ARFGEF1: variants seen among roughly 807,000 people sequenced by gnomAD.
ARFGEF1 encodes ARF guanine nucleotide exchange factor 1, also known as brefeldin A-inhibited guanine nucleotide-exchange protein 1.
In ARFGEF1, 42 loss-of-function variants were observed where a neutral mutation model predicts 231.0. The observed-to-expected ratio is 0.18, with a 90% confidence interval of 0.14 to 0.24. The LOEUF is 0.24. Ranked by LOEUF, ARFGEF1 falls within the 10% of genes least tolerant of loss-of-function variation. The pLI is 1.00. For synonymous variants in ARFGEF1, 710 were observed against 732.3 expected (o/e 0.97, Z 0.49); for missense variants, 1,345 against 2,192.0 (o/e 0.61, Z 7.72).
intron 1 of ARFGEF1, among the ~76,000 whole-genome samples, chr8:67,303,173 T>C (rs1460000039): frequency 1.3e-5 from 2 of 152,068 alleles, no homozygotes; most frequent in African/African-American, 4.8e-5. Context: ...CGGCAGATGT[T>C]TGGGGACAGG....
At chr8:67,235,625 T>C (rs1158197016) in intron 22 of ARFGEF1, among the ~76,000 whole-genome samples, 1 of 152,014 alleles carries the variant, frequency 6.6e-6, no homozygotes. Flanking sequence ...AGCCCGGAGT[T>C]TGAAACCAGC....
intron 22 of ARFGEF1, among the ~76,000 whole-genome samples, chr8:67,236,357 AAAAAAAAAATATATATATATATATATAT>A (rs1839744879): frequency 2.3e-5 from 1 of 44,272 alleles, no homozygotes; most frequent in Non-Finnish European, 4.1e-5. Context: ...GTTAAAAAAA[AAAAAAAAAATATATATATATATATATAT>A]ATATATATAT....
Position 67,215,031 on chromosome 8 carries a change from A to G in ARFGEF1, c.4686+1559T>C, listed in dbSNP as rs1207801756. ...TCCCTGCTAAGTTTCAACCTTGCTT[A>G]GGACTGGTGATCCTTTGTTCCTTCC... On this transcript the variant is annotated intron_variant, in intron 33 of 38. Coordinates refer to ENST00000262215, the MANE Select transcript of ARFGEF1 (RefSeq NM_006421.5). Among the ~76,000 whole-genome samples the G allele has an allele frequency of 4.1e-4, 63 of 152,216 alleles. 1 individual carries two copies. The highest frequency in any genetic ancestry group is 4.1e-3 in the Admixed American group (63 of 15,280).
intron 5 of ARFGEF1, among the ~76,000 whole-genome samples, chr8:67,190,416 T>C (rs959603115): frequency 7.2e-5 from 11 of 151,958 alleles, no homozygotes; most frequent in Non-Finnish European, 1.5e-4. Flanking sequence ...TGGGGAGTGA[T>C]TGCCAGTGTG....
chr8:67,339,627 T>C (rs1437748900), intron 1 of ARFGEF1, among the ~76,000 whole-genome samples: 1 of 151,548 alleles, frequency 6.6e-6, no homozygotes, highest in Non-Finnish European at 1.5e-5. Context: ...CAGACTATTT[T>C]TAAGTCAGGA....
intron 7 of ARFGEF1, among the ~76,000 whole-genome samples, chr8:67,283,166 CCAT>C (rs1289010306): frequency 6.6e-6 from 1 of 152,074 alleles, no homozygotes; most frequent in Non-Finnish European, 1.5e-5. Context: ...ACAATAAATA[CCAT>C]CATTACAGTG....
chr8:67,227,908 T>C (rs1009829955), intron 25 of ARFGEF1, 55 bp downstream of exon 25: 5 of 1,401,098 alleles, frequency 3.6e-6, no homozygotes, highest in Admixed American at 2.7e-5. Context: ...TACAAGGACA[T>C]TCTAAACAAA....
At chr8:67,289,209 T>G (rs1805892748) in intron 6 of ARFGEF1, among the ~76,000 whole-genome samples, 1 of 152,108 alleles carries the variant, frequency 6.6e-6, no homozygotes, top group Non-Finnish European at 1.5e-5. Flanking sequence ...AGACAGCATA[T>G]TAGCTGATGG....
intron 22 of ARFGEF1, among the ~76,000 whole-genome samples, chr8:67,237,083 T>A (rs529396058): frequency 6.6e-6 from 1 of 152,250 alleles, no homozygotes; most frequent in South Asian, 2.1e-4. Flanking sequence ...ATTCCCACAC[T>A]CTCTAGGCCT....
intron 27 of ARFGEF1, among the ~76,000 whole-genome samples, chr8:67,226,647 CATT>C (rs1178707014): frequency 6.6e-6 from 1 of 152,054 alleles, no homozygotes; most frequent in African/African-American, 2.4e-5. Context: ...TGATGGTCAT[CATT>C]GTCATCTTCC....
intron 19 of ARFGEF1, among the ~76,000 whole-genome samples, chr8:67,245,751 T>C (rs1840086115): frequency 6.7e-6 from 1 of 150,230 alleles, no homozygotes. Context: ...TCTTTATCAA[T>C]AGTCACACTG....
At chr8:67,213,312 A>G (rs889470620) in intron 33 of ARFGEF1, among the ~76,000 whole-genome samples, 3 of 152,208 alleles carry the variant, frequency 2.0e-5, no homozygotes, top group African/African-American at 7.2e-5. Context: ...ACAAATTTGA[A>G]AAGACCTGTA....
intron 14 of ARFGEF1, among the ~76,000 whole-genome samples, chr8:67,261,879 C>T (rs911549460): frequency 6.7e-6 from 1 of 148,838 alleles, no homozygotes; most frequent in African/African-American, 2.5e-5. Flanking sequence ...GCTACATTGC[C>T]GACGCTGATC....
downstream of ARFGEF1, chr8:67,195,717 A>AAATT: frequency 1.4e-6 from 1 of 692,900 alleles, no homozygotes; most frequent in Non-Finnish European, 2.5e-6. Context: ...TCTGTATATA[A>AAATT]AATTATTTTT....
At position 67,198,300 on chromosome 8, in the gene ARFGEF1, AAAT is replaced by A; in HGVS notation, c.*631_*633del. ...ACCCAAATGTTTAGTGCATTTGACA[AAAT>A]ATTATGGGTATTTAGCAAATGAATA... is the stretch of plus-strand genomic sequence containing the variant. On this transcript the variant is annotated 3_prime_UTR_variant, in exon 39 of 39. Coordinates refer to ENST00000262215, the MANE Select transcript of ARFGEF1 (RefSeq NM_006421.5). 2 of 984,848 alleles carry A rather than the reference AAAT, an allele frequency of 2.0e-6. No individual in the cohort carries two copies. Among genetic ancestry groups the A allele is most frequent in the Non-Finnish European group, 2.4e-6 (2 of 829,012 alleles). 61.0% of individuals were successfully genotyped at this position (984,848 alleles called of 1,614,324 possible). A position where few individuals can be genotyped will look rare whatever the true frequency, so the allele number is the denominator to read the frequency against.
At position 67,244,947 on chromosome 8, in the gene ARFGEF1, G is replaced by T. The variant is rs1281114274; in HGVS notation, c.2851-4657C>A. On this transcript the variant is annotated intron_variant, in intron 19 of 38. Coordinates refer to ENST00000262215, the MANE Select transcript of ARFGEF1 (RefSeq NM_006421.5). The stretch of plus-strand genomic sequence containing the variant: ...CTTTTTAATAATTAAACTCACAAAG[G>T]TCAAAGATAAAGGATCCTAAAAGCA... Among the ~76,000 whole-genome samples, 2 of 150,056 alleles carry T rather than the reference G, an allele frequency of 1.3e-5. 1 individual carries two copies. Among genetic ancestry groups the T allele is most frequent in the African/African-American group, 5.0e-5 (2 of 40,104 alleles).
chr8:67,220,067 T>G (rs1839095034), intron 29 of ARFGEF1, among the ~76,000 whole-genome samples: 1 of 152,130 alleles, frequency 6.6e-6, no homozygotes, highest in South Asian at 2.1e-4. Flanking sequence ...ATAAGCTCCA[T>G]GAGGGGAGGG....
chr8:67,257,641 A>C, intron 17 of ARFGEF1, 91 bp downstream of exon 17: 1 of 1,110,946 alleles, frequency 9.0e-7, no homozygotes, highest in Non-Finnish European at 1.3e-6. Context: ...TAACTGAATA[A>C]AACTAAAATT....
At chr8:67,343,093 A>ACCCC in intron 1 of ARFGEF1, 71 bp downstream of exon 1, 2 of 184,674 alleles carry the variant, frequency 1.1e-5, no homozygotes, top group South Asian at 7.6e-5. Flanking sequence ...GGGCGACCCC[A>ACCCC]CCCCCCCACA....
Sources: allele counts gnomAD v4.1 joint callset (sites outside exome capture counted in the v4.1 genomes callset), GRCh38; gene constraint gnomAD v4.1.1; transcripts MANE v1.5; gene names NCBI Gene and HGNC (gene_info 2026-07-23, HGNC 2026-07-21).